The following SLC35F3 variants were observed in gnomAD, a reference collection of about 807,000 sequenced individuals.
SLC35F3 encodes putative thiamine transporter SLC35F3.
Under a neutral mutation model 49.9 loss-of-function variants are expected in SLC35F3, and 25 were observed. The ratio of observed to expected loss-of-function variants is 0.50; its 90% CI spans 0.37 to 0.70. The LOEUF is 0.70. Among genes scored for constraint, SLC35F3 ranks in the 30% least tolerant of loss-of-function variants. The pLI is 0.00. For missense variants in SLC35F3, 525 were observed against 639.8 expected (o/e 0.82, Z 1.94); for synonymous variants, 275 against 265.4 (o/e 1.04, Z -0.35).
chr1:234,066,830 CCA>C (rs61401819), intron 2 of SLC35F3, among the ~76,000 whole-genome samples: 16,557 of 135,020 alleles, frequency 0.12, 1,288 homozygotes, highest in East Asian at 0.38. Flanking sequence ...CCTCTCTCTC[CCA>C]CACACACACA....
At chr1:234,173,445 T>C (rs913301718) in intron 2 of SLC35F3, among the ~76,000 whole-genome samples, 14 of 152,230 alleles carry the variant, frequency 9.2e-5, no homozygotes, top group African/African-American at 3.4e-4. Flanking sequence ...TAATTCGAGC[T>C]AGGCAGCCTG....
intron 2 of SLC35F3, among the ~76,000 whole-genome samples, chr1:233,924,875 T>G (rs925357978): frequency 6.6e-6 from 1 of 152,246 alleles, no homozygotes; most frequent in African/African-American, 2.4e-5. Flanking sequence ...TATTTCTGCC[T>G]TCATTTCGTT....
At chr1:233,943,854 T>G (rs756081617) in intron 2 of SLC35F3, among the ~76,000 whole-genome samples, 5 of 152,244 alleles carry the variant, frequency 3.3e-5, no homozygotes, top group Non-Finnish European at 4.4e-5. Context: ...AAGGAAATAA[T>G]CAGCTTTAAT....
chr1:234,213,191 TACCA>T (rs1376066523), intron 2 of SLC35F3: 122 of 152,382 alleles, frequency 8.0e-4, no homozygotes, highest in African/African-American at 2.9e-3. Context: ...CTCTCCCCTG[TACCA>T]CTCCACAGAG....
intron 2 of SLC35F3, among the ~76,000 whole-genome samples, chr1:234,208,382 T>C (rs1004441423): frequency 7.2e-5 from 11 of 152,330 alleles, no homozygotes; most frequent in African/African-American, 2.6e-4. Context: ...AGAGGCTATT[T>C]GTACAACCCA....
At chr1:234,086,386 C>G (rs373914488) in intron 2 of SLC35F3, among the ~76,000 whole-genome samples, 4 of 152,302 alleles carry the variant, frequency 2.6e-5, no homozygotes, top group African/African-American at 9.6e-5. Context: ...TACTCCATAG[C>G]CAACTGGGAG....
rs4484984 is a variant in SLC35F3, at chr1:233,949,697, G to C, written c.283+43939G>C. 8.1e-3 allele frequency among the ~76,000 whole-genome samples: 1,239 copies of C among 152,270 alleles called. 16 individuals are homozygous for C. Among genetic ancestry groups the C allele is most frequent in the African/African-American group, 0.029 (1,188 of 41,548 alleles). ...CTTGTCATGTTAGGATCGCTGGGCA[G>C]GTTAATTAGTGTCGCTAGCAGCCCG... On this transcript the variant is annotated intron_variant, in intron 2 of 7. Transcript: ENST00000366618.
chr1:234,305,859 A>C (rs1049804085), intron 3 of SLC35F3, among the ~76,000 whole-genome samples: 2 of 152,176 alleles, frequency 1.3e-5, no homozygotes, highest in Non-Finnish European at 2.9e-5. Flanking sequence ...AAATACATCT[A>C]ATCTTTGTAT....
intron 3 of SLC35F3, among the ~76,000 whole-genome samples, chr1:234,249,252 T>A (rs1278566539): frequency 1.3e-5 from 2 of 152,176 alleles, no homozygotes; most frequent in Non-Finnish European, 2.9e-5. Flanking sequence ...TACTGTCATA[T>A]TCTTCTGCTC....
chr1:233,950,169 G>A (rs1199323729), intron 2 of SLC35F3, among the ~76,000 whole-genome samples: 1 of 151,894 alleles, frequency 6.6e-6, no homozygotes, highest in Non-Finnish European at 1.5e-5. Context: ...GGTGGATCAC[G>A]AGGTCAGGAG....
At chr1:234,044,245 C>T (rs1458588) in intron 2 of SLC35F3, among the ~76,000 whole-genome samples, 2,876 of 152,336 alleles carry the variant, frequency 0.019, 99 homozygotes, top group African/African-American at 0.066. Context: ...TTCCAAAAGT[C>T]AGTGCCATGC....
chr1:233,998,711 A>C (rs1663502461), intron 2 of SLC35F3, among the ~76,000 whole-genome samples: 1 of 152,184 alleles, frequency 6.6e-6, no homozygotes, highest in African/African-American at 2.4e-5. Flanking sequence ...ACTGAATTTT[A>C]AATTTTATCT....
At chr1:234,211,600 C>G (rs1270804905) in intron 2 of SLC35F3, among the ~76,000 whole-genome samples, 1 of 152,234 alleles carries the variant, frequency 6.6e-6, no homozygotes, top group Non-Finnish European at 1.5e-5. Context: ...TTTGGACTTG[C>G]ATGAGGCCTG....
At chr1:234,176,361 T>C (rs1486574598) in intron 2 of SLC35F3, among the ~76,000 whole-genome samples, 1 of 151,992 alleles carries the variant, frequency 6.6e-6, no homozygotes, top group African/African-American at 2.4e-5. Context: ...GTTCATAGAG[T>C]GGAAAAGCCT....
intron 2 of SLC35F3, among the ~76,000 whole-genome samples, chr1:233,928,155 A>G (rs1317607627): frequency 6.6e-6 from 1 of 152,152 alleles, no homozygotes; most frequent in Non-Finnish European, 1.5e-5. Flanking sequence ...GTTGCCAGCA[A>G]TAAACAATGG....
chr1:234,107,505 T>C (rs758945984), intron 2 of SLC35F3, among the ~76,000 whole-genome samples: 3 of 152,166 alleles, frequency 2.0e-5, no homozygotes, highest in Non-Finnish European at 4.4e-5. Context: ...TTGGCACCAG[T>C]AATTTAATCT....
intron 2 of SLC35F3, among the ~76,000 whole-genome samples, chr1:233,964,073 C>T (rs12049593): frequency 0.047 from 7,212 of 152,274 alleles, 258 homozygotes; most frequent in East Asian, 0.17. Flanking sequence ...TCTGGAAGGT[C>T]CTTGTCATTG....
At chr1:234,173,376 A>G (rs756205071) in intron 2 of SLC35F3, among the ~76,000 whole-genome samples, 2 of 152,240 alleles carry the variant, frequency 1.3e-5, no homozygotes, top group African/African-American at 2.4e-5. Flanking sequence ...GAGGAGCGAG[A>G]GGCCCAGAGA....
At chr1:234,015,105 G>T (rs946675131) in intron 2 of SLC35F3, among the ~76,000 whole-genome samples, 2 of 152,138 alleles carry the variant, frequency 1.3e-5, no homozygotes, top group Admixed American at 1.3e-4. Context: ...CAGCACTTTG[G>T]GAGGCCGAGG....
Sources: allele counts gnomAD v4.1 joint callset (sites outside exome capture counted in the v4.1 genomes callset), GRCh38; gene constraint gnomAD v4.1.1; transcripts MANE v1.5; gene names NCBI Gene and HGNC (gene_info 2026-07-23, HGNC 2026-07-21).